CEP135: variants seen among roughly 807,000 people sequenced by gnomAD.
CEP135 encodes centrosomal protein of 135 kDa.
In CEP135, 142 loss-of-function variants were observed where a neutral mutation model predicts 157.3. The ratio of observed to expected loss-of-function variants is 0.90; its 90% CI spans 0.79 to 1.04. CEP135 has a LOEUF of 1.04. CEP135 is among the 50% of genes least tolerant of loss of function. The probability of loss-of-function intolerance (pLI) is 0.00; values close to 1 mark genes in which losing one functional copy is unlikely to be tolerated. For missense variants in CEP135, 1,317 were observed against 1,309.2 expected, an observed-to-expected ratio of 1.01 and a Z score of -0.09; for synonymous variants, 396 against 439.8, an observed-to-expected ratio of 0.90 and a Z score of 1.25.
At chr4:56,012,890 G>A (rs1157970132) in intron 21 of CEP135, among the ~76,000 whole-genome samples, 1 of 152,120 alleles carries the variant, frequency 6.6e-6, no homozygotes, top group Non-Finnish European at 1.5e-5. Context: ...CTTGCTTTCA[G>A]TTCTTTTGGG....
intron 10 of CEP135, 97 bp from the exon 11 acceptor site, chr4:55,974,649 A>T: frequency 1.2e-6 from 1 of 843,886 alleles, no homozygotes. Context: ...CATGATTTCT[A>T]GTAGCTTTCA....
intron 25 of CEP135, among the ~76,000 whole-genome samples, chr4:56,025,781 AGC>A (rs1731138916): frequency 6.6e-6 from 1 of 152,210 alleles, no homozygotes; most frequent in Non-Finnish European, 1.5e-5. Context: ...TAACATTGAA[AGC>A]TAGGACATAA....
intron 19 of CEP135, among the ~76,000 whole-genome samples, chr4:56,010,398 CTG>C (rs1730540618): frequency 6.8e-6 from 1 of 147,686 alleles, no homozygotes; most frequent in Non-Finnish European, 1.5e-5. Flanking sequence ...GCGTGAGACT[CTG>C]TCAAAAAAAA....
chr4:55,999,345 C>T lies in CEP135; in HGVS notation c.2053C>T (p.His685Tyr). The change falls in exon 16 of 26, where the codon CAC becomes TAC. Residue 685 changes from histidine to tyrosine, a missense_variant. His to Tyr is a moderately conservative substitution (Grantham distance 83). Coordinates refer to ENST00000257287, the MANE Select transcript of CEP135 (RefSeq NM_025009.5). The stretch of plus-strand genomic sequence containing the variant: ...ACAGCGGTCAGTTGATGACTATCAG[C>T]ACCGACTTTCCATAAAAAGAGGTGA... Reference protein sequence around the residue: ...QLQRSVDDYQHRLSIKRGELE... With the variant: ...QLQRSVDDYQYRLSIKRGELE... 6.2e-7 allele frequency: 1 copy of T among 1,614,152 alleles called. No homozygotes were observed. Among genetic ancestry groups the T allele is most frequent in the Non-Finnish European group, 8.5e-7 (1 of 1,180,002 alleles).
intron 22 of CEP135, among the ~76,000 whole-genome samples, chr4:56,018,535 AT>A (rs1730861939): frequency 6.6e-6 from 1 of 152,128 alleles, no homozygotes; most frequent in African/African-American, 2.4e-5. Context: ...AGTCAGGCAG[AT>A]TGCTTGAGCT....
At chr4:55,955,336 T>C (rs767339728) in intron 4 of CEP135, among the ~76,000 whole-genome samples, 2 of 152,144 alleles carry the variant, frequency 1.3e-5, no homozygotes, top group Non-Finnish European at 2.9e-5. Context: ...ATTTTGGAGT[T>C]GAAGAACTAG....
Position 55,971,359 on chromosome 4 carries a change from A to T in CEP135, c.1200A>T (p.Glu400Asp). The change falls in exon 10 of 26, where the codon GAA (glutamate) becomes GAT (aspartate). Residue 400 changes from glutamate to aspartate, a missense_variant. Coordinates refer to ENST00000257287, the MANE Select transcript of CEP135 (RefSeq NM_025009.5). ...SDLETVVHQL[E>D]QEKQRLSKKV... is the part of the protein sequence containing the mutation. ...TAGAAACTGTTGTTCATCAGCTTGA[A>T]CAAGAAAAGCAAAGACTTAGCAAAA... The T allele has an allele frequency of 6.2e-7, 1 of 1,606,150 alleles. No individual in the cohort carries two copies. Among genetic ancestry groups the T allele is most frequent in the South Asian group, 1.1e-5 (1 of 89,688 alleles).
intron 17 of CEP135, among the ~76,000 whole-genome samples, chr4:56,003,982 A>G (rs1405562562): frequency 2.0e-5 from 3 of 152,076 alleles, no homozygotes; most frequent in African/African-American, 7.2e-5. Context: ...AGCCTCCCCA[A>G]GTGCTGGGAT....
intron 10 of CEP135, among the ~76,000 whole-genome samples, chr4:55,974,223 ATAAAT>A (rs1314850493): frequency 1.3e-5 from 2 of 152,244 alleles, no homozygotes; most frequent in Non-Finnish European, 1.5e-5. Flanking sequence ...TGTAATGAAC[ATAAAT>A]TAAATTAGGT....
intron 21 of CEP135, 89 bp from the exon 22 acceptor site, chr4:56,017,559 C>T: frequency 1.7e-6 from 2 of 1,182,264 alleles, no homozygotes; most frequent in Non-Finnish European, 2.3e-6. Flanking sequence ...TCATATTTTT[C>T]TAAAGTGAGA....
At chr4:56,020,890 C>A in intron 24 of CEP135, 110 bp downstream of exon 24, 2 of 722,786 alleles carry the variant, frequency 2.8e-6, no homozygotes, top group Non-Finnish European at 4.5e-6. Flanking sequence ...AAAGCTAATA[C>A]ATAAAGTACA....
intron 6 of CEP135, among the ~76,000 whole-genome samples, chr4:55,961,764 T>TAAAAAAAAAAAA (rs564116620): frequency 5.5e-5 from 3 of 54,212 alleles, no homozygotes; most frequent in Admixed American, 2.5e-4. Flanking sequence ...AAACTCTGTC[T>TAAAAAAAAAAAA]AAAAAAAAAA....
intron 25 of CEP135, among the ~76,000 whole-genome samples, chr4:56,031,093 CTG>C (rs1181470270): frequency 6.6e-6 from 1 of 152,026 alleles, no homozygotes; most frequent in African/African-American, 2.4e-5. Context: ...GATCACGCCA[CTG>C]CACTCCAGCC....
intron 6 of CEP135, among the ~76,000 whole-genome samples, chr4:55,961,322 A>G (rs55648246): frequency 0.021 from 3,192 of 152,250 alleles, 112 homozygotes; most frequent in African/African-American, 0.073. Context: ...GACTACTCTG[A>G]TTAAAGCCAC....
Position 55,971,292 on chromosome 4 carries a change from A to T in CEP135, c.1133A>T (p.Glu378Val), listed in dbSNP as rs141602415. Reference protein sequence around the residue: ...LQLELNLCQKEKERLSDELLV... With the variant: ...LQLELNLCQKVKERLSDELLV... ...CAGGAATTGAACTTATGCCAGAAAGAAAAGGAGAGACTGAGTGATGAACTC... is the reference window on the plus strand; with the variant it reads ...CAGGAATTGAACTTATGCCAGAAAGTAAAGGAGAGACTGAGTGATGAACTC... Residue 378 changes from glutamate to valine, a missense_variant, in exon 10 of 26, where the codon GAA (glutamate) becomes GTA (valine). By Grantham distance (121) the Glu-to-Val change is moderately radical. Transcript: ENST00000257287. 2.7e-5 allele frequency: 43 copies of T among 1,591,746 alleles called. 2 individuals carry two copies. Among genetic ancestry groups the T allele is most frequent in the South Asian group, 2.1e-4 (18 of 85,786 alleles).
rs539693591 is a variant in CEP135, at chr4:55,983,666, C to T, written c.1780-1615C>T. Among the ~76,000 whole-genome samples the T allele has an allele frequency of 2.8e-3, 431 of 151,606 alleles. 3 individuals carry two copies. The highest frequency in any genetic ancestry group is 0.01 in the African/African-American group (420 of 41,196). On this transcript the variant is annotated intron_variant, in intron 13 of 25. Transcript: ENST00000257287. ...TTTTTTTTTTTGAGGGGCAGTCCCG[C>T]TCACTGCAACCTCCGCCTCTCAAGT...
chr4:55,966,122 C>T (rs950625886), intron 8 of CEP135: 13 of 348,744 alleles, frequency 3.7e-5, no homozygotes, highest in South Asian at 2.5e-4. Flanking sequence ...TTTTCCTTCA[C>T]GATTTTTATC....
Position 56,032,029 on chromosome 4 carries a change from T to C in CEP135, c.*681T>C, listed in dbSNP as rs1731369771. 1 of 152,168 alleles carries C rather than the reference T, an allele frequency of 6.6e-6. No individual in the cohort carries two copies. The highest frequency in any genetic ancestry group is 2.4e-5 in the African/African-American group (1 of 41,448). The allele number at this position is 152,168 out of a possible 1,614,324, so 9.4% of individuals were successfully genotyped here. On this transcript the variant is annotated 3_prime_UTR_variant, in exon 26 of 26. Coordinates refer to ENST00000257287, the MANE Select transcript of CEP135 (RefSeq NM_025009.5). ...TCATATGGACTCTATGTAACACAAA[T>C]TCAAAAGCAAACTAAAAGCTATATG...
At chr4:56,008,418 G>A in intron 18 of CEP135, 36 bp downstream of exon 18, 2 of 1,511,566 alleles carry the variant, frequency 1.3e-6, no homozygotes, top group East Asian at 4.6e-5. Flanking sequence ...AGCTTTTTAG[G>A]AGATTTTCAG....
Sources: gnomAD v4.1 joint callset for allele counts (sites outside exome capture counted in the v4.1 genomes callset) on GRCh38, gnomAD v4.1.1 for gene constraint, MANE v1.5 for transcripts, NCBI Gene and HGNC (gene_info 2026-07-23, HGNC 2026-07-21) for gene names.